The following NR2C2 variants were observed in gnomAD, a reference collection of about 807,000 sequenced individuals.
NR2C2 encodes nuclear receptor subfamily 2 group C member 2, also known as Nuclear hormone receptor TR4.
A neutral mutation model predicts 62.9 loss-of-function variants in NR2C2; 6 were observed. That is an observed-to-expected ratio of 0.10 (90% confidence interval 0.05 to 0.19). NR2C2 has a LOEUF of 0.19. NR2C2 is among the 10% of genes least tolerant of loss of function. NR2C2 has a pLI of 1.00. For synonymous variants in NR2C2, 272 were observed against 273.8 expected (o/e 0.99, Z 0.07); for missense variants, 479 against 762.7 (o/e 0.63, Z 4.38).
At chr3:15,028,383 C>T (rs745391459) in intron 7 of NR2C2, among the ~76,000 whole-genome samples, 12 of 152,066 alleles carry the variant, frequency 7.9e-5, no homozygotes, top group Non-Finnish European at 8.8e-5. Context: ...GTCATTTTGT[C>T]ACATATCTAG....
At position 15,013,807 on chromosome 3, in the gene NR2C2, G is replaced by A. The variant is rs1329224798; in HGVS notation, c.273+18G>A. On this transcript the variant is annotated intron_variant, in intron 3 of 13. Coordinates refer to ENST00000425241, the MANE Select transcript of NR2C2 (RefSeq NM_001291694.2). ...GGATCCAGGTAAGGCCTTTGGACAG[G>A]TATTTGTTTCAGCACTTCTGCTATT... The A allele has an allele frequency of 9.9e-6, 16 of 1,613,392 alleles. No individual in the cohort carries two copies. Among genetic ancestry groups the A allele is most frequent in the Non-Finnish European group, 1.4e-5 (16 of 1,179,358 alleles).
chr3:15,019,016 TAAAAAAAAA>T (rs35022020), intron 4 of NR2C2, among the ~76,000 whole-genome samples: 1 of 76,516 alleles, frequency 1.3e-5, no homozygotes, highest in Non-Finnish European at 2.5e-5. Context: ...ACTCTTGTCT[TAAAAAAAAA>T]AAAAAAAAAA....
At chr3:14,985,185 C>T (rs2040482252) in intron 1 of NR2C2, among the ~76,000 whole-genome samples, 1 of 151,942 alleles carries the variant, frequency 6.6e-6, no homozygotes, top group Non-Finnish European at 1.5e-5. Context: ...AGATACATGT[C>T]CTGTATGAGC....
At chr3:15,001,213 A>G (rs1378362226) in intron 1 of NR2C2, among the ~76,000 whole-genome samples, 3 of 150,722 alleles carry the variant, frequency 2.0e-5, no homozygotes, top group African/African-American at 7.3e-5. Context: ...TAAATATATT[A>G]TCCTTTTTGA....
At chr3:14,991,381 C>G (rs1166229793) in intron 1 of NR2C2, among the ~76,000 whole-genome samples, 1 of 152,212 alleles carries the variant, frequency 6.6e-6, no homozygotes, top group Admixed American at 6.5e-5. Flanking sequence ...GGGTTAATCT[C>G]TTTGCCCATT....
chr3:14,964,228 T>C (rs2039771896), intron 1 of NR2C2, among the ~76,000 whole-genome samples: 1 of 152,224 alleles, frequency 6.6e-6, no homozygotes. Flanking sequence ...ACCTCTAATA[T>C]TAAATATTGA....
At chr3:14,952,484 A>G (rs1350388271) in intron 1 of NR2C2, among the ~76,000 whole-genome samples, 1 of 152,202 alleles carries the variant, frequency 6.6e-6, no homozygotes, top group Admixed American at 6.5e-5. Flanking sequence ...GAGTCCGTGA[A>G]GGAATCTTAG....
intron 2 of NR2C2, among the ~76,000 whole-genome samples, chr3:15,006,042 C>CA (rs2041164366): frequency 6.6e-6 from 1 of 151,684 alleles, no homozygotes; most frequent in Non-Finnish European, 1.5e-5. Context: ...TGTATCTCTA[C>CA]AAAAAAACTA....
intron 4 of NR2C2, among the ~76,000 whole-genome samples, 184 bp from the exon 5 acceptor site, chr3:15,020,569 G>A (rs1181693046): frequency 6.6e-6 from 1 of 152,202 alleles, no homozygotes; most frequent in Admixed American, 6.5e-5. Context: ...TTGAAAGATG[G>A]TAGAGAAATT....
At chr3:15,019,228 AAAAAG>A (rs2041603324) in intron 4 of NR2C2, among the ~76,000 whole-genome samples, 1 of 151,902 alleles carries the variant, frequency 6.6e-6, no homozygotes, top group Non-Finnish European at 1.5e-5. Context: ...TGTCTCAAAA[AAAAAG>A]AAAAGAAAAA....
At chr3:15,015,169 AT>A (rs2041474252) in intron 3 of NR2C2, among the ~76,000 whole-genome samples, 1 of 152,112 alleles carries the variant, frequency 6.6e-6, no homozygotes, top group Non-Finnish European at 1.5e-5. Flanking sequence ...ATGGCTGTTG[AT>A]TTTGTTGCAT....
At position 15,048,401 on chromosome 3, in the gene NR2C2, ATAAT is replaced by A. The variant is rs1387267401; in HGVS notation, c.*5397_*5400del. 6.6e-6 allele frequency: 1 copy of A among 152,662 alleles called. No homozygotes were observed. The highest frequency in any genetic ancestry group is 1.5e-5 in the Non-Finnish European group (1 of 68,040). 9.5% of individuals were successfully genotyped at this position (152,662 alleles called of 1,614,324 possible). A position where few individuals can be genotyped will look rare whatever the true frequency, so the allele number is the denominator to read the frequency against. On this transcript the variant is annotated 3_prime_UTR_variant, in exon 14 of 14. Transcript: ENST00000425241. Reference sequence around the variant, plus strand: ...TATTTAGCTTAACAGCAGTCTACAAATAATTAAAGTGTGAGCTTAAGAAAAGTAT... The same window carrying A: ...TATTTAGCTTAACAGCAGTCTACAAATAAAGTGTGAGCTTAAGAAAAGTAT...
At chr3:14,949,186 G>A (rs939537769) in intron 1 of NR2C2, among the ~76,000 whole-genome samples, 21 of 133,226 alleles carry the variant, frequency 1.6e-4, no homozygotes, top group African/African-American at 6.0e-4. Flanking sequence ...GGGGGCTGGG[G>A]GGTGAATAGA....
At chr3:14,950,033 A>G (rs530539427) in intron 1 of NR2C2, among the ~76,000 whole-genome samples, 3 of 152,348 alleles carry the variant, frequency 2.0e-5, no homozygotes, top group Non-Finnish European at 4.4e-5. Context: ...TGAAGATTAG[A>G]TGAGTTAATG....
At chr3:15,033,488 TG>T (rs1034235504) in intron 10 of NR2C2, among the ~76,000 whole-genome samples, 1 of 152,088 alleles carries the variant, frequency 6.6e-6, no homozygotes, top group Non-Finnish European at 1.5e-5. Flanking sequence ...CCTCCCTCCA[TG>T]ATTAAAGGAA....
chr3:14,949,756 GATTT>G (rs372339754), intron 1 of NR2C2, among the ~76,000 whole-genome samples: 2,421 of 152,110 alleles, frequency 0.016, 65 homozygotes, highest in African/African-American at 0.053. Flanking sequence ...ATGTGAATAT[GATTT>G]ATTTATTTAT....
intron 3 of NR2C2, among the ~76,000 whole-genome samples, chr3:15,015,891 TC>T (rs1433414400): frequency 1.3e-5 from 2 of 152,150 alleles, no homozygotes; most frequent in Non-Finnish European, 2.9e-5. Context: ...AACCTCTGCC[TC>T]CCGGGTTGAA....
intron 1 of NR2C2, among the ~76,000 whole-genome samples, chr3:14,990,209 T>C (rs1490551317): frequency 6.6e-6 from 1 of 152,166 alleles, no homozygotes; most frequent in African/African-American, 2.4e-5. Flanking sequence ...CCTCTCCTTG[T>C]AGGTTTAAAA....
chr3:14,990,295 A>G (rs2040633237), intron 1 of NR2C2, among the ~76,000 whole-genome samples: 2 of 152,174 alleles, frequency 1.3e-5, no homozygotes, highest in Admixed American at 6.6e-5. Context: ...TTTAAGGGGA[A>G]AGGGGTGGAG....
Sources: allele counts gnomAD v4.1 joint callset (sites outside exome capture counted in the v4.1 genomes callset), GRCh38; gene constraint gnomAD v4.1.1; transcripts MANE v1.5; gene names NCBI Gene and HGNC (gene_info 2026-07-23, HGNC 2026-07-21).